GSG1L: variants seen among roughly 807,000 people sequenced by gnomAD.
The protein encoded by GSG1L is GSG1 like, also known as germ cell-specific gene 1-like protein.
A neutral mutation model predicts 42.1 loss-of-function variants in GSG1L; 24 were observed. The ratio of observed to expected loss-of-function variants is 0.57; its 90% CI spans 0.41 to 0.80. The LOEUF (loss-of-function observed/expected upper bound fraction) is 0.80, where lower values mean the gene tolerates loss of function less well. Ranked by LOEUF, GSG1L falls within the 30% of genes least tolerant of loss-of-function variation. The pLI, the probability that GSG1L is intolerant of heterozygous loss-of-function variation, is 0.00. For synonymous variants in GSG1L, 215 were observed against 203.5 expected, an observed-to-expected ratio of 1.06 and a Z score of -0.48; for missense variants, 445 against 472.2, an observed-to-expected ratio of 0.94 and a Z score of 0.53.
chr16:27,845,908 CTT>C (rs201845873), intron 3 of GSG1L, among the ~76,000 whole-genome samples: 98 of 147,104 alleles, frequency 6.7e-4, no homozygotes, highest in Non-Finnish European at 1.0e-3. Flanking sequence ...AATTAATAAA[CTT>C]TTTTTTTTTT....
intron 2 of GSG1L, among the ~76,000 whole-genome samples, chr16:27,955,194 T>TA (rs1310911220): frequency 6.6e-5 from 10 of 151,740 alleles, no homozygotes; most frequent in African/African-American, 2.4e-4. Context: ...GAAGCAAACT[T>TA]AAAAAAATTA....
chr16:27,816,383 C>T (rs1399578), intron 5 of GSG1L, among the ~76,000 whole-genome samples: 35,745 of 152,090 alleles, frequency 0.24, 7,083 homozygotes, highest in African/African-American at 0.55. Flanking sequence ...AGACAGAGTC[C>T]CCCAAACTGG....
chr16:27,830,098 C>T (rs1388528424), intron 4 of GSG1L, among the ~76,000 whole-genome samples: 1 of 152,034 alleles, frequency 6.6e-6, no homozygotes, highest in Non-Finnish European at 1.5e-5. Context: ...TCAGCTGATC[C>T]AGTTCCAGCC....
chr16:27,873,465 A>T (rs1348860778), intron 3 of GSG1L, among the ~76,000 whole-genome samples: 1 of 152,154 alleles, frequency 6.6e-6, no homozygotes, highest in Non-Finnish European at 1.5e-5. Context: ...AAAAGTTCTG[A>T]ATTCTGGAAC....
At chr16:27,877,788 C>G (rs2083906064) in intron 3 of GSG1L, among the ~76,000 whole-genome samples, 1 of 152,170 alleles carries the variant, frequency 6.6e-6, no homozygotes, top group South Asian at 2.1e-4. Context: ...TTTGAGAGTG[C>G]TGGACCTTGG....
At chr16:27,934,254 G>A (rs1001720936) in intron 2 of GSG1L, among the ~76,000 whole-genome samples, 6 of 152,146 alleles carry the variant, frequency 3.9e-5, no homozygotes, top group African/African-American at 1.4e-4. Flanking sequence ...CTTTAAAAGC[G>A]AGCTATGGGC....
rs1211575909 is a variant in GSG1L, at chr16:27,946,656, AAAAGAAAG to A, written c.397+16492_397+16499del. 9.9e-3 allele frequency among the ~76,000 whole-genome samples: 270 copies of A among 27,356 alleles called. 8 individuals carry two copies. The highest frequency in any genetic ancestry group is 0.013 in the Non-Finnish European group (189 of 15,026). 17.9% of individuals were successfully genotyped at this position (27,356 alleles called of 152,430 possible). ...GAAAGAAAGAAAGAAAGAAAGAAAGAAAAGAAAGAAAGAAAGAAAGAAAGAAAGAAAGA... is the reference window on the plus strand; with the variant it reads ...GAAAGAAAGAAAGAAAGAAAGAAAGAAAAGAAAGAAAGAAAGAAAGAAAGA... On this transcript the variant is annotated intron_variant, in intron 2 of 6. Coordinates refer to ENST00000447459, the MANE Select transcript of GSG1L (RefSeq NM_001109763.2).
At position 28,059,038 on chromosome 16, in the gene GSG1L, C is replaced by CG. The variant is rs2086310758; in HGVS notation, c.349+4037dup. ...TGGCTGCAGAAGTCCATGGGAGACA[C>CG]GGGTGGCTGTGGGTGGCTCAGCCCA... On this transcript the variant is annotated intron_variant, in intron 1 of 6. Coordinates refer to ENST00000447459, the MANE Select transcript of GSG1L (RefSeq NM_001109763.2). The surrounding 1 kb of genome is among the most constrained non-coding windows in gnomAD (Gnocchi z 4.4). Among the ~76,000 whole-genome samples the CG allele has an allele frequency of 1.3e-5, 2 of 152,152 alleles. No homozygotes were observed.
At position 28,059,438 on chromosome 16, in the gene GSG1L, C is replaced by A. The variant is rs1165751007; in HGVS notation, c.349+3638G>T. ...TCTCTCTCTTCTCTCTCCAGTCTCA[C>A]CTCCCTCCTGCCAGCCTGGCAAGTC... On this transcript the variant is annotated intron_variant, in intron 1 of 6. Coordinates refer to ENST00000447459, the MANE Select transcript of GSG1L (RefSeq NM_001109763.2). The surrounding 1 kb of genome is among the most constrained non-coding windows in gnomAD (Gnocchi z 4.4). Among the ~76,000 whole-genome samples, 1 of 152,056 alleles carries A rather than the reference C, an allele frequency of 6.6e-6. No homozygotes were observed. The highest frequency in any genetic ancestry group is 1.5e-5 in the Non-Finnish European group (1 of 68,000).
chr16:28,052,932 C>T (rs2086235817), intron 1 of GSG1L, among the ~76,000 whole-genome samples: 1 of 152,252 alleles, frequency 6.6e-6, no homozygotes, highest in Admixed American at 6.5e-5. Context: ...TTTTCCTCCT[C>T]TATGCCCCTT....
intron 2 of GSG1L, among the ~76,000 whole-genome samples, chr16:27,912,722 G>A (rs1216589120): frequency 6.6e-6 from 1 of 152,184 alleles, no homozygotes; most frequent in African/African-American, 2.4e-5. Context: ...GAAGATGTTT[G>A]TGTCCTACGA....
chr16:27,872,467 G>A (rs1321438684), intron 3 of GSG1L, among the ~76,000 whole-genome samples: 4 of 152,192 alleles, frequency 2.6e-5, no homozygotes, highest in African/African-American at 9.7e-5. Flanking sequence ...TACCATTGTA[G>A]TGTCAGAGGC....
At chr16:27,997,856 C>CTTTTT (rs35354576) in intron 1 of GSG1L, among the ~76,000 whole-genome samples, 2 of 85,132 alleles carry the variant, frequency 2.3e-5, no homozygotes, top group African/African-American at 4.5e-5. Context: ...ACCCTCTCCA[C>CTTTTT]TTTTTTTTTT....
intron 1 of GSG1L, among the ~76,000 whole-genome samples, chr16:27,979,710 G>A (rs1429526091): frequency 1.3e-4 from 6 of 47,562 alleles, no homozygotes; most frequent in African/African-American, 6.0e-4. Flanking sequence ...AAGGAAGGAA[G>A]GAAGGAAGGA....
chr16:27,944,463 A>G (rs1272800174), intron 2 of GSG1L, among the ~76,000 whole-genome samples: 1 of 152,006 alleles, frequency 6.6e-6, no homozygotes, highest in Non-Finnish European at 1.5e-5. Flanking sequence ...CTCTACTAAA[A>G]ACAAAAAAAT....
chr16:27,972,000 C>A (rs2085198587), intron 1 of GSG1L, among the ~76,000 whole-genome samples: 1 of 152,212 alleles, frequency 6.6e-6, no homozygotes, highest in Admixed American at 6.5e-5. Context: ...CAACCCAGGT[C>A]TGCAGACTCC....
At chr16:27,927,078 C>T (rs1384513913) in intron 2 of GSG1L, among the ~76,000 whole-genome samples, 1 of 152,108 alleles carries the variant, frequency 6.6e-6, no homozygotes, top group East Asian at 1.9e-4. Context: ...GACAGGTCTC[C>T]CATGTCCTCT....
intron 4 of GSG1L, among the ~76,000 whole-genome samples, chr16:27,833,652 G>T (rs376453533): frequency 2.0e-5 from 3 of 151,944 alleles, no homozygotes; most frequent in Non-Finnish European, 4.4e-5. Flanking sequence ...AGTTTTCAGC[G>T]TACAAGTCCT....
At chr16:27,824,371 T>C (rs1405814631) in intron 5 of GSG1L, among the ~76,000 whole-genome samples, 2 of 151,926 alleles carry the variant, frequency 1.3e-5, no homozygotes, top group African/African-American at 4.8e-5. Context: ...GCACCCTCTG[T>C]CCCCCGTGGA....
Sources: allele counts gnomAD v4.1 joint callset (sites outside exome capture counted in the v4.1 genomes callset), GRCh38; gene constraint gnomAD v4.1.1; non-coding constraint Gnocchi (gnomAD v3.1); transcripts MANE v1.5; gene names NCBI Gene and HGNC (gene_info 2026-07-23, HGNC 2026-07-21).